The following CDK14 variants were observed in gnomAD, a reference collection of about 807,000 sequenced individuals.
CDK14 encodes the protein cyclin-dependent kinase 14.
CDK14 carries 34 observed loss-of-function variants against 60.7 expected under a neutral mutation model. That is an observed-to-expected ratio of 0.56 (90% confidence interval 0.43 to 0.75). The LOEUF (loss-of-function observed/expected upper bound fraction) is 0.75. CDK14 is among the 30% of genes least tolerant of loss of function. The pLI, the probability that CDK14 is intolerant of heterozygous loss-of-function variation, is 0.00. For missense variants in CDK14, 482 were observed against 564.1 expected (o/e 0.85, Z 1.47); for synonymous variants, 197 against 203.7 (o/e 0.97, Z 0.28).
chr7:91,024,111 AATGATG>A (rs59410115), intron 10 of CDK14, among the ~76,000 whole-genome samples: 5,019 of 149,276 alleles, frequency 0.034, 104 homozygotes, highest in South Asian at 0.059. Flanking sequence ...ACCCATCCAA[AATGATG>A]ATGATGATGA....
At chr7:90,926,989 A>G (rs377439500) in intron 8 of CDK14, among the ~76,000 whole-genome samples, 7 of 152,306 alleles carry the variant, frequency 4.6e-5, no homozygotes, top group African/African-American at 1.7e-4. Context: ...GAAGAGATGC[A>G]TAGGGCAAGG....
intron 11 of CDK14, among the ~76,000 whole-genome samples, chr7:91,071,110 GA>G (rs1315868739): frequency 6.6e-6 from 1 of 152,118 alleles, no homozygotes; most frequent in Non-Finnish European, 1.5e-5. Flanking sequence ...GTAAAGCCAA[GA>G]AGTAACAATT....
chr7:90,979,452 C>T (rs1795167421), intron 9 of CDK14: 1 of 152,150 alleles, frequency 6.6e-6, no homozygotes, highest in South Asian at 2.1e-4. Flanking sequence ...CGTTAAGCAT[C>T]CTTCCTAACC....
At chr7:90,600,926 G>C (rs1396116779) in intron 1 of CDK14, among the ~76,000 whole-genome samples, 1 of 152,226 alleles carries the variant, frequency 6.6e-6, no homozygotes, top group Non-Finnish European at 1.5e-5. Flanking sequence ...CTGACAGTCA[G>C]ATCGACTGAC....
chr7:91,188,449 C>T (rs1319870321), intron 14 of CDK14, among the ~76,000 whole-genome samples: 4 of 152,090 alleles, frequency 2.6e-5, no homozygotes, highest in Non-Finnish European at 5.9e-5. Context: ...CAGTGGAATT[C>T]CAGAGTTGGA....
intron 2 of CDK14, among the ~76,000 whole-genome samples, chr7:90,662,313 A>C (rs1239614956): frequency 4.6e-5 from 7 of 152,198 alleles, no homozygotes; most frequent in Non-Finnish European, 8.8e-5. Context: ...CATGGGTGAT[A>C]AGAAGTGAAC....
intron 8 of CDK14, among the ~76,000 whole-genome samples, chr7:90,924,683 G>C (rs1340402866): frequency 6.6e-6 from 1 of 152,126 alleles, no homozygotes; most frequent in Non-Finnish European, 1.5e-5. Context: ...TGTAAGACAT[G>C]CTGTAAATTC....
chr7:91,094,120 A>G (rs1468324870), intron 12 of CDK14, among the ~76,000 whole-genome samples: 3 of 152,110 alleles, frequency 2.0e-5, no homozygotes, highest in Admixed American at 6.6e-5. Context: ...AACCTCAGCA[A>G]CATGCAATTT....
chr7:90,767,073 A>G (rs1166924844), intron 4 of CDK14, among the ~76,000 whole-genome samples: 1 of 152,142 alleles, frequency 6.6e-6, no homozygotes, highest in African/African-American at 2.4e-5. Flanking sequence ...TGCAATAGCC[A>G]AGCCATGCCA....
intron 6 of CDK14, among the ~76,000 whole-genome samples, chr7:90,885,625 T>C (rs1214472220): frequency 4.6e-5 from 7 of 152,200 alleles, no homozygotes; most frequent in Admixed American, 3.3e-4. Context: ...CATATGTTTA[T>C]TGCAGCACTA....
Position 91,099,322 on chromosome 7 carries a change from A to G in CDK14, c.1155-13220A>G, listed in dbSNP as rs976411562. ...TCTCTGAAACATAAGCCATTCCTAA[A>G]TTTTTACATAGACTGAATTTTTGGA... is the stretch of plus-strand genomic sequence containing the variant. On this transcript the variant is annotated intron_variant, in intron 12 of 14. Coordinates refer to ENST00000380050, the MANE Select transcript of CDK14 (RefSeq NM_001287135.2). Among the ~76,000 whole-genome samples the G allele has an allele frequency of 9.3e-4, 141 of 152,142 alleles. 1 individual carries two copies. The highest frequency in any genetic ancestry group is 3.2e-3 in the African/African-American group (132 of 41,444).
chr7:90,748,363 T>G (rs1423011160), intron 4 of CDK14, among the ~76,000 whole-genome samples: 1 of 152,198 alleles, frequency 6.6e-6, no homozygotes, highest in African/African-American at 2.4e-5. Flanking sequence ...TTGAAAAGCT[T>G]GTCCTCATGT....
At chr7:90,615,868 T>A (rs930471410) in intron 2 of CDK14, among the ~76,000 whole-genome samples, 1 of 152,188 alleles carries the variant, frequency 6.6e-6, no homozygotes, top group Non-Finnish European at 1.5e-5. Context: ...ACTTCCCCTA[T>A]CAAAATATTC....
intron 9 of CDK14, among the ~76,000 whole-genome samples, chr7:90,981,108 G>T (rs1194080624): frequency 6.6e-6 from 1 of 152,100 alleles, no homozygotes; most frequent in East Asian, 1.9e-4. Flanking sequence ...GAAGGTGCAG[G>T]TAGCTATTTA....
Position 90,895,337 on chromosome 7 carries a change from TC to T in CDK14, c.640-3953del, listed in dbSNP as rs1448753707. On this transcript the variant is annotated intron_variant, in intron 6 of 14. Coordinates refer to ENST00000380050, the MANE Select transcript of CDK14 (RefSeq NM_001287135.2). ...TCTTCTTTCCTCTCCTTTCCTCTCC[TC>T]TCCTCTCCTCTCCTCTCCTCACCTC... Among the ~76,000 whole-genome samples, 542 of 83,796 alleles carry T rather than the reference TC, an allele frequency of 6.5e-3. 141 individuals are homozygous for T. The highest frequency in any genetic ancestry group is 0.012 in the African/African-American group (257 of 21,046). The allele number at this position is 83,796 out of a possible 152,430, so 55.0% of individuals were successfully genotyped here.
chr7:90,685,969 C>T (rs985157864), intron 2 of CDK14, among the ~76,000 whole-genome samples: 7 of 151,876 alleles, frequency 4.6e-5, no homozygotes, highest in Non-Finnish European at 7.4e-5. Flanking sequence ...TTTTATTTAA[C>T]TAAATTTTCT....
At chr7:90,659,637 G>A (rs1800821259) in intron 2 of CDK14, among the ~76,000 whole-genome samples, 1 of 152,058 alleles carries the variant, frequency 6.6e-6, no homozygotes, top group Admixed American at 6.6e-5. Context: ...AAGCAATTCT[G>A]GTATAAAAAT....
chr7:90,911,541 G>A (rs1036753446), intron 7 of CDK14, among the ~76,000 whole-genome samples: 10 of 152,020 alleles, frequency 6.6e-5, no homozygotes, highest in East Asian at 1.9e-4. Context: ...GTTGACACAC[G>A]CCCTGAAAAA....
intron 11 of CDK14, among the ~76,000 whole-genome samples, chr7:91,057,215 A>G (rs1185079493): frequency 1.3e-5 from 2 of 151,992 alleles, no homozygotes. Context: ...TTCTTTTGAG[A>G]AGTGTCTGTT....
Sources: allele counts gnomAD v4.1 joint callset (sites outside exome capture counted in the v4.1 genomes callset), GRCh38; gene constraint gnomAD v4.1.1; transcripts MANE v1.5; gene names NCBI Gene and HGNC (gene_info 2026-07-23, HGNC 2026-07-21).